NTM: variants seen among roughly 807,000 people sequenced by gnomAD.
NTM encodes the protein neurotrimin.
In NTM, 13 loss-of-function variants were observed where a neutral mutation model predicts 42.1. The ratio of observed to expected loss-of-function variants is 0.31; its 90% CI spans 0.20 to 0.49. The LOEUF is 0.49. NTM is among the 20% of genes least tolerant of loss of function. The pLI is 0.99. For missense variants in NTM, 373 were observed against 452.8 expected (o/e 0.82, Z 1.60); for synonymous variants, 187 against 179.2 (o/e 1.04, Z -0.35).
At chr11:131,411,854 T>C (rs1565475412) in intron 1 of NTM, among the ~76,000 whole-genome samples, 3 of 152,154 alleles carry the variant, frequency 2.0e-5, no homozygotes, top group Admixed American at 6.5e-5. Context: ...AACAGAGCCC[T>C]AAGGACAGTT....
chr11:132,187,317 C>T (rs1344367101), intron 3 of NTM, among the ~76,000 whole-genome samples: 1 of 152,014 alleles, frequency 6.6e-6, no homozygotes, highest in African/African-American at 2.4e-5. Context: ...TTCAGCAACA[C>T]CATATCTGGC....
At chr11:132,070,461 ATCACACAGCCAAGTTAACACG>A (rs2057390232) in intron 2 of NTM, among the ~76,000 whole-genome samples, 3 of 99,664 alleles carry the variant, frequency 3.0e-5, no homozygotes, top group Admixed American at 9.6e-5. Flanking sequence ...AAGTTAACAC[ATCACACAGCCAAGTTAACACG>A]TCAAACTGAC....
chr11:131,522,150 G>A (rs61459479), intron 1 of NTM, among the ~76,000 whole-genome samples: 2,221 of 152,028 alleles, frequency 0.015, 61 homozygotes, highest in African/African-American at 0.048. Flanking sequence ...TTACTGCTTG[G>A]GTCATCCGGG....
At chr11:131,391,214 C>A (rs986016723) in intron 1 of NTM, among the ~76,000 whole-genome samples, 8 of 152,244 alleles carry the variant, frequency 5.3e-5, no homozygotes, top group African/African-American at 1.9e-4. Context: ...GGCCAACTTG[C>A]CCAGGTCTCT....
At chr11:131,510,952 G>A (rs527534522) in intron 1 of NTM, among the ~76,000 whole-genome samples, 28 of 152,328 alleles carry the variant, frequency 1.8e-4, no homozygotes, top group African/African-American at 6.7e-4. Flanking sequence ...CTGTGTGGAA[G>A]GACAGGGCCA....
Position 131,424,600 on chromosome 11 carries a change from CTTTTT to C in NTM, c.82+53726_82+53730del, listed in dbSNP as rs769740331. On this transcript the variant is annotated intron_variant, in intron 1 of 8. Coordinates refer to ENST00000683400, the MANE Select transcript of NTM (RefSeq NM_001352005.2). Reference sequence around the variant, plus strand: ...AGTTGTTTTTTATTTCTTTTCTTTTCTTTTTTTTTTTTTTTTTTGGCGCAATCTTG... The same window carrying C: ...AGTTGTTTTTTATTTCTTTTCTTTTCTTTTTTTTTTTTTGGCGCAATCTTG... 8.9e-4 allele frequency among the ~76,000 whole-genome samples: 50 copies of C among 56,038 alleles called. 3 individuals are homozygous for C. The highest frequency in any genetic ancestry group is 3.5e-3 in the African/African-American group (48 of 13,754). The allele number at this position is 56,038 out of a possible 152,430, so 36.8% of individuals were successfully genotyped here. A position where few individuals can be genotyped will look rare whatever the true frequency, so the allele number is the denominator to read the frequency against.
At chr11:131,479,238 G>A (rs1012262628) in intron 1 of NTM, among the ~76,000 whole-genome samples, 28 of 152,178 alleles carry the variant, frequency 1.8e-4, no homozygotes, top group African/African-American at 6.5e-4. Context: ...TGTACAACAG[G>A]CAATTATAAT....
intron 2 of NTM, among the ~76,000 whole-genome samples, chr11:132,128,823 C>T (rs1027122604): frequency 2.0e-5 from 3 of 150,780 alleles, no homozygotes; most frequent in East Asian, 2.0e-4. Flanking sequence ...CTGTAGTCCC[C>T]GCTACTCAGG....
At chr11:131,625,404 C>A (rs2062999585) in intron 1 of NTM, among the ~76,000 whole-genome samples, 2 of 152,018 alleles carry the variant, frequency 1.3e-5, no homozygotes, top group Non-Finnish European at 2.9e-5. Context: ...ATCAAATCCA[C>A]AAAAGGCAAT....
At chr11:131,455,431 G>C (rs967899530) in intron 1 of NTM, 4 of 152,164 alleles carry the variant, frequency 2.6e-5, no homozygotes, top group African/African-American at 7.2e-5. Context: ...CCTTCCTGAG[G>C]GCCTGACCAC....
chr11:132,318,019 G>A (rs1002525419), intron 7 of NTM, among the ~76,000 whole-genome samples: 1 of 152,220 alleles, frequency 6.6e-6, no homozygotes, highest in Admixed American at 6.5e-5. Context: ...AACTGACTGA[G>A]CAGTTTTCAT....
At chr11:131,685,430 A>C (rs1258714643) in intron 1 of NTM, among the ~76,000 whole-genome samples, 1 of 152,204 alleles carries the variant, frequency 6.6e-6, no homozygotes, top group East Asian at 1.9e-4. Flanking sequence ...GGGTCATGGC[A>C]GTTTGTCTCT....
intron 1 of NTM, among the ~76,000 whole-genome samples, chr11:131,872,800 G>T (rs1157102834): frequency 6.6e-6 from 1 of 152,036 alleles, no homozygotes; most frequent in Admixed American, 6.6e-5. Context: ...ATTTATAGGG[G>T]ACAATGTTGA....
chr11:132,139,625 T>G (rs1010649767), intron 2 of NTM, among the ~76,000 whole-genome samples: 11 of 152,302 alleles, frequency 7.2e-5, no homozygotes, highest in Non-Finnish European at 1.0e-4. Flanking sequence ...ATTACAGAAG[T>G]GGAGGGGGAC....
chr11:131,727,630 AC>A (rs2079121978), intron 1 of NTM, among the ~76,000 whole-genome samples: 1 of 152,104 alleles, frequency 6.6e-6, no homozygotes, highest in African/African-American at 2.4e-5. Context: ...AAGGACAATC[AC>A]TCTGGCAACA....
chr11:132,051,957 A>G (rs1465877721), intron 2 of NTM, among the ~76,000 whole-genome samples: 1 of 152,184 alleles, frequency 6.6e-6, no homozygotes, highest in African/African-American at 2.4e-5. Flanking sequence ...GAGGGATGTT[A>G]CTAGTTGGTC....
intron 2 of NTM, among the ~76,000 whole-genome samples, chr11:132,096,603 T>A (rs556633705): frequency 2.6e-5 from 4 of 152,290 alleles, no homozygotes; most frequent in Non-Finnish European, 5.9e-5. Context: ...CAAGGCACAA[T>A]TCTGCAGTCT....
chr11:131,402,149 C>T (rs964324205), intron 1 of NTM, among the ~76,000 whole-genome samples: 3 of 151,656 alleles, frequency 2.0e-5, no homozygotes, highest in Non-Finnish European at 4.4e-5. Context: ...CTTCACAGAG[C>T]CCTAAGCATA....
In NTM at chr11:132,098,040, A is replaced by G. The variant is rs1313171263; in HGVS notation, c.168-48242A>G. On this transcript the variant is annotated intron_variant, in intron 2 of 8. Coordinates refer to ENST00000683400, the MANE Select transcript of NTM (RefSeq NM_001352005.2). The stretch of plus-strand genomic sequence containing the variant: ...TTTGCTGTAACAGGTATTGTTATGA[A>G]TATCCATTGATCCTGCTAGAAATAA... Among the ~76,000 whole-genome samples, 5 of 152,240 alleles carry G rather than the reference A, an allele frequency of 3.3e-5. No homozygotes were observed. In the South Asian group the frequency reaches 6.2e-4, roughly 19 times the overall value.
Sources: gnomAD v4.1 joint callset for allele counts (sites outside exome capture counted in the v4.1 genomes callset) on GRCh38, gnomAD v4.1.1 for gene constraint, MANE v1.5 for transcripts, NCBI Gene and HGNC (gene_info 2026-07-23, HGNC 2026-07-21) for gene names.